The following ZBTB8B variants were observed in gnomAD, a reference collection of about 807,000 sequenced individuals.
The protein encoded by ZBTB8B is zinc finger and BTB domain-containing protein 8B.
Under a neutral mutation model 30.3 loss-of-function variants are expected in ZBTB8B, and 17 were observed. That is an observed-to-expected ratio of 0.56 (90% CI 0.38 to 0.84). The LOEUF (loss-of-function observed/expected upper bound fraction) is 0.84, where lower values mean the gene tolerates loss of function less well. Ranked by LOEUF, ZBTB8B falls within the 40% of genes least tolerant of loss-of-function variation. ZBTB8B has a pLI of 0.00. For synonymous variants in ZBTB8B, 248 were observed against 255.6 expected, an observed-to-expected ratio of 0.97 and a Z score of 0.28; for missense variants, 515 against 644.9, an observed-to-expected ratio of 0.80 and a Z score of 2.18.
At chr1:32,476,502 C>A (rs1018301152) in intron 2 of ZBTB8B, among the ~76,000 whole-genome samples, 2 of 152,154 alleles carry the variant, frequency 1.3e-5, no homozygotes, top group African/African-American at 2.4e-5. Context: ...CTCATCCAGA[C>A]TCATGGTCCC....
At position 32,482,869 on chromosome 1, in the gene ZBTB8B, T is replaced by C. The variant is rs1383716648; in HGVS notation, c.1170+1800T>C. 2.0e-5 allele frequency among the ~76,000 whole-genome samples: 3 copies of C among 151,798 alleles called. No individual in the cohort carries two copies. In the East Asian group the frequency reaches 5.8e-4, roughly 29 times the overall value. On this transcript the variant is annotated intron_variant, in intron 3 of 3. Transcript: ENST00000609129. ...CAGGAAAAGATAGACAAATGGCCAATAAGCACATGAAAAGATGCTCAACAT... is the reference window on the plus strand; with the variant it reads ...CAGGAAAAGATAGACAAATGGCCAACAAGCACATGAAAAGATGCTCAACAT...
Position 32,470,608 on chromosome 1 carries a change from C to T in ZBTB8B, c.-17C>T. 6.5e-7 allele frequency: 1 copy of T among 1,539,042 alleles called. No homozygotes were observed. The highest frequency in any genetic ancestry group is 8.8e-7 in the Non-Finnish European group (1 of 1,138,592). ...GAGATACAGGTTTGCTCTGGAGCAG[C>T]AGCAGCTGGCGGAGCAATGGAGATG... On this transcript the variant is annotated 5_prime_UTR_variant, in exon 2 of 4. Transcript: ENST00000609129.
intron 2 of ZBTB8B, among the ~76,000 whole-genome samples, chr1:32,473,769 C>G (rs1207254116): frequency 6.6e-6 from 1 of 152,126 alleles, no homozygotes; most frequent in African/African-American, 2.4e-5. Flanking sequence ...AATCCTCTCA[C>G]CTCAGCCTCT....
rs1306797950 is a variant in ZBTB8B, at chr1:32,491,773, A to G, written c.*6355A>G. The G allele has an allele frequency of 1.3e-5, 2 of 152,182 alleles. No homozygotes were observed. The highest frequency in any genetic ancestry group is 2.9e-5 in the Non-Finnish European group (2 of 68,034). 9.4% of individuals were successfully genotyped at this position (152,182 alleles called of 1,614,324 possible). A position where few individuals can be genotyped will look rare whatever the true frequency, so the allele number is the denominator to read the frequency against. ...CTCCCAGTCCAGATGCAGTTTACCAATTGGGCATCATGTCTACCATATGTA... is the reference window on the plus strand; with the variant it reads ...CTCCCAGTCCAGATGCAGTTTACCAGTTGGGCATCATGTCTACCATATGTA... On this transcript the variant is annotated 3_prime_UTR_variant, in exon 4 of 4. Coordinates refer to ENST00000609129, the MANE Select transcript of ZBTB8B (RefSeq NM_001145720.2).
chr1:32,481,671 G>GT (rs905333345), intron 3 of ZBTB8B, among the ~76,000 whole-genome samples: 1 of 152,130 alleles, frequency 6.6e-6, no homozygotes, highest in African/African-American at 2.4e-5. Flanking sequence ...AAACGAGAAG[G>GT]TTTGTTACAT....
chr1:32,483,293 C>G (rs1234735931), intron 3 of ZBTB8B, among the ~76,000 whole-genome samples: 1 of 143,734 alleles, frequency 7.0e-6, no homozygotes, highest in Non-Finnish European at 1.5e-5. Context: ...GGCTTGGTGG[C>G]ACGCGCCTGT....
At chr1:32,478,965 T>C (rs569769299) in intron 2 of ZBTB8B, among the ~76,000 whole-genome samples, 1 of 152,354 alleles carries the variant, frequency 6.6e-6, no homozygotes, top group South Asian at 2.1e-4. Context: ...CCACGTGCTA[T>C]GCTTTATGTG....
At chr1:32,470,112 T>A (rs1643604086) in intron 1 of ZBTB8B, among the ~76,000 whole-genome samples, 1 of 152,176 alleles carries the variant, frequency 6.6e-6, no homozygotes, top group Non-Finnish European at 1.5e-5. Context: ...TTTCAAGTAA[T>A]CTGCCTGCCT....
At chr1:32,482,669 CAAAAAAAA>C (rs1050028688) in intron 3 of ZBTB8B, among the ~76,000 whole-genome samples, 1 of 40,084 alleles carries the variant, frequency 2.5e-5, no homozygotes. Flanking sequence ...GACTCCGTGT[CAAAAAAAA>C]AAAAAAAAAA....
At chr1:32,470,513 A>AAAAAAAG (rs2148180414) in intron 1 of ZBTB8B, 71 bp from the exon 2 acceptor site, 2 of 1,091,440 alleles carry the variant, frequency 1.8e-6, no homozygotes, top group East Asian at 7.2e-5. Context: ...AAAAAAAAAA[A>AAAAAAAG]AAAAAAAAAA....
chr1:32,468,116 C>T (rs1437325346), intron 1 of ZBTB8B, among the ~76,000 whole-genome samples: 3 of 151,688 alleles, frequency 2.0e-5, no homozygotes, highest in Admixed American at 1.3e-4. Flanking sequence ...ACCCCATCCC[C>T]CATCTCAAAA....
chr1:32,491,054 G>A lies in ZBTB8B; in HGVS notation c.*5636G>A, dbSNP rs898788248. 6.6e-6 allele frequency: 1 copy of A among 152,102 alleles called. No homozygotes were observed. Among genetic ancestry groups the A allele is most frequent in the African/African-American group, 2.4e-5 (1 of 41,396 alleles). The allele number at this position is 152,102 out of a possible 1,614,324, so 9.4% of individuals were successfully genotyped here. A position where few individuals can be genotyped will look rare whatever the true frequency, so the allele number is the denominator to read the frequency against. Reference sequence around the variant, plus strand: ...CATTGACAATTGTGGTTTTAGGGGGGGCAATTTTTATATCCATCATTTGAT... The same window carrying A: ...CATTGACAATTGTGGTTTTAGGGGGAGCAATTTTTATATCCATCATTTGAT... On this transcript the variant is annotated 3_prime_UTR_variant, in exon 4 of 4. Coordinates refer to ENST00000609129, the MANE Select transcript of ZBTB8B (RefSeq NM_001145720.2).
At chr1:32,466,465 G>C (rs1332476074) in intron 1 of ZBTB8B, among the ~76,000 whole-genome samples, 1 of 152,302 alleles carries the variant, frequency 6.6e-6, no homozygotes, top group East Asian at 1.9e-4. Flanking sequence ...ATGTGCTTCT[G>C]AGAGCAGTCT....
chr1:32,476,600 T>G (rs918718532), intron 2 of ZBTB8B, among the ~76,000 whole-genome samples: 1 of 152,060 alleles, frequency 6.6e-6, no homozygotes, highest in African/African-American at 2.4e-5. Flanking sequence ...AATCTGGCCA[T>G]GAAAGTTTGA....
chr1:32,477,306 G>C (rs1446650927), intron 2 of ZBTB8B, among the ~76,000 whole-genome samples: 1 of 152,184 alleles, frequency 6.6e-6, no homozygotes, highest in Non-Finnish European at 1.5e-5. Flanking sequence ...GAGGAAACAG[G>C]TGTCTTACAA....
In ZBTB8B at chr1:32,471,186, T is replaced by C. The variant is rs1257531705; in HGVS notation, c.562T>C (p.Cys188Arg). ...SPAEGEKSVE[C>R]LRESPCGDCG... ...AGCCGAGGGAGAAAAGAGCGTGGAG[T>C]GCCTGAGAGAGTCCCCTTGCGGTGA... Residue 188 changes from cysteine (C) to arginine (R), a missense_variant, in exon 2 of 4, where the codon TGC becomes CGC. Coordinates refer to ENST00000609129, the MANE Select transcript of ZBTB8B (RefSeq NM_001145720.2). The C allele has an allele frequency of 6.4e-7, 1 of 1,551,784 alleles. No homozygotes were observed. The highest frequency in any genetic ancestry group is 2.0e-5 in the Admixed American group (1 of 50,990).
Position 32,465,412 on chromosome 1 carries a change from C to T in ZBTB8B, c.-42+307C>T, listed in dbSNP as rs1643563798. On this transcript the variant is annotated intron_variant, in intron 1 of 3. Coordinates refer to ENST00000609129, the MANE Select transcript of ZBTB8B (RefSeq NM_001145720.2). The surrounding 1 kb of genome is among the most constrained non-coding windows in gnomAD (Gnocchi z 4.1). ...GAATGGTGCCCAGGCGTGGGGGGCT[C>T]GGCCACACTGGAGAAGTGCCAGCGG... 6.6e-6 allele frequency among the ~76,000 whole-genome samples: 1 copy of T among 152,230 alleles called. No individual in the cohort carries two copies. The highest frequency in any genetic ancestry group is 1.5e-5 in the Non-Finnish European group (1 of 68,046).
At position 32,495,714 on chromosome 1, in the gene ZBTB8B, G is replaced by T. The variant is rs1643812728; in HGVS notation, c.*10296G>T. 6.6e-6 allele frequency: 1 copy of T among 152,014 alleles called. No homozygotes were observed. Among genetic ancestry groups the T allele is most frequent in the Non-Finnish European group, 1.5e-5 (1 of 67,996 alleles). The allele number at this position is 152,014 out of a possible 1,614,324, so 9.4% of individuals were successfully genotyped here. Reference sequence around the variant, plus strand: ...GGCTAAGGTTAAAATAGTTAAAACAGTTTCTTTAGAATGAGTTGTTAGCTG... The same window carrying T: ...GGCTAAGGTTAAAATAGTTAAAACATTTTCTTTAGAATGAGTTGTTAGCTG... On this transcript the variant is annotated 3_prime_UTR_variant, in exon 4 of 4. Coordinates refer to ENST00000609129, the MANE Select transcript of ZBTB8B (RefSeq NM_001145720.2).
chr1:32,472,805 CAG>C (rs1643634807), intron 2 of ZBTB8B, among the ~76,000 whole-genome samples: 2 of 152,300 alleles, frequency 1.3e-5, no homozygotes, highest in African/African-American at 4.8e-5. Flanking sequence ...TCAGTAGAGA[CAG>C]GGTTTCACCA....
Sources: allele counts gnomAD v4.1 joint callset (sites outside exome capture counted in the v4.1 genomes callset), GRCh38; gene constraint gnomAD v4.1.1; non-coding constraint Gnocchi (gnomAD v3.1); transcripts MANE v1.5; gene names NCBI Gene and HGNC (gene_info 2026-07-23, HGNC 2026-07-21).